Variants in MARCHF4 observed in about 807,000 individuals in gnomAD.
MARCHF4 encodes E3 ubiquitin-protein ligase MARCHF4.
A neutral mutation model predicts 43.9 loss-of-function variants in MARCHF4; 14 were observed. That is an observed-to-expected ratio of 0.32 (90% CI 0.21 to 0.50). The LOEUF is 0.50. MARCHF4 is among the 20% of genes least tolerant of loss of function. The pLI is 0.98. For synonymous variants in MARCHF4, 226 were observed against 213.3 expected, an observed-to-expected ratio of 1.06 and a Z score of -0.52; for missense variants, 468 against 536.7, an observed-to-expected ratio of 0.87 and a Z score of 1.27.
chr2:216,305,269 T>C (rs1255174881), intron 1 of MARCHF4, among the ~76,000 whole-genome samples: 2 of 152,152 alleles, frequency 1.3e-5, no homozygotes, highest in Non-Finnish European at 2.9e-5. Context: ...CCGGTATGCA[T>C]GTGGAGCCAG....
chr2:216,274,536 GA>G (rs112433986), intron 3 of MARCHF4, among the ~76,000 whole-genome samples: 21,465 of 152,086 alleles, frequency 0.14, 1,592 homozygotes, highest in South Asian at 0.25. Flanking sequence ...AGGAGAAGTT[GA>G]ATTTCACCCT....
At chr2:216,333,363 C>A (rs916914640) in intron 1 of MARCHF4, among the ~76,000 whole-genome samples, 5 of 152,066 alleles carry the variant, frequency 3.3e-5, no homozygotes, top group Non-Finnish European at 7.4e-5. Flanking sequence ...AAGAAGATGG[C>A]CAAAGGGCGA....
At chr2:216,299,097 A>G (rs969855689) in intron 1 of MARCHF4, among the ~76,000 whole-genome samples, 1 of 151,680 alleles carries the variant, frequency 6.6e-6, no homozygotes, top group Non-Finnish European at 1.5e-5. Flanking sequence ...CTCAGAAGAC[A>G]TAGACAGTCT....
rs954149552 is a variant in MARCHF4 at position 216,370,617 on chromosome 2, T to C, written c.-357A>G. ...GGTGGAGGGGCCACTAGAGCCTCTGTCGAATTGTTTAAATCAATGTCGAAT... is the reference window on the plus strand; with the variant it reads ...GGTGGAGGGGCCACTAGAGCCTCTGCCGAATTGTTTAAATCAATGTCGAAT... On this transcript the variant is annotated 5_prime_UTR_variant, in exon 1 of 4. Coordinates refer to ENST00000273067, the MANE Select transcript of MARCHF4 (RefSeq NM_020814.3). The C allele has an allele frequency of 2.4e-5, 5 of 211,714 alleles. No homozygotes were observed. The highest frequency in any genetic ancestry group is 1.1e-4 in the African/African-American group (5 of 43,574). 13.1% of individuals were successfully genotyped at this position (211,714 alleles called of 1,614,324 possible).
intron 1 of MARCHF4, among the ~76,000 whole-genome samples, chr2:216,349,998 G>T (rs1052481163): frequency 1.3e-5 from 2 of 152,062 alleles, no homozygotes; most frequent in Non-Finnish European, 2.9e-5. Context: ...TCTGGGCCTT[G>T]CCCTCCTGTC....
intron 1 of MARCHF4, among the ~76,000 whole-genome samples, chr2:216,325,832 CGTT>C (rs1405834330): frequency 1.4e-5 from 2 of 146,234 alleles, no homozygotes; most frequent in African/African-American, 2.5e-5. Flanking sequence ...AAGACTTAAA[CGTT>C]AGACCTAAAA....
At chr2:216,270,290 G>T (rs1690915231) in intron 3 of MARCHF4, among the ~76,000 whole-genome samples, 1 of 152,070 alleles carries the variant, frequency 6.6e-6, no homozygotes, top group South Asian at 2.1e-4. Flanking sequence ...TGCCTAGGCT[G>T]GTCTTGAACT....
rs1238940979 is a variant in MARCHF4, at chr2:216,293,913, T to C, written c.517-10184A>G. Among the ~76,000 whole-genome samples, 6 of 99,162 alleles carry C rather than the reference T, an allele frequency of 6.1e-5. 1 individual carries two copies. The highest frequency in any genetic ancestry group is 1.1e-4 in the African/African-American group (4 of 37,224). 65.1% of individuals were successfully genotyped at this position (99,162 alleles called of 152,430 possible). On this transcript the variant is annotated intron_variant, in intron 1 of 3. Coordinates refer to ENST00000273067, the MANE Select transcript of MARCHF4 (RefSeq NM_020814.3). The stretch of plus-strand genomic sequence containing the variant: ...TAATGTGTACATTTATAATCATATC[T>C]GTATTTCTAATGACCTAAATGTGTA...
At chr2:216,322,466 T>C (rs1274953030) in intron 1 of MARCHF4, among the ~76,000 whole-genome samples, 1 of 152,366 alleles carries the variant, frequency 6.6e-6, no homozygotes, top group East Asian at 1.9e-4. Flanking sequence ...TTATTTTGCA[T>C]GTATGTGTGC....
At chr2:216,278,905 T>C (rs1574461873) in intron 2 of MARCHF4, among the ~76,000 whole-genome samples, 1 of 152,122 alleles carries the variant, frequency 6.6e-6, no homozygotes, top group Non-Finnish European at 1.5e-5. Context: ...GGAGTTAGAT[T>C]TTTAACTTGG....
intron 1 of MARCHF4, among the ~76,000 whole-genome samples, chr2:216,336,460 G>A (rs1692158491): frequency 6.6e-6 from 1 of 152,082 alleles, no homozygotes; most frequent in Non-Finnish European, 1.5e-5. Context: ...AAACCTTCTT[G>A]CGCAGTAGAA....
At chr2:216,349,662 G>A (rs1372490219) in intron 1 of MARCHF4, among the ~76,000 whole-genome samples, 1 of 152,160 alleles carries the variant, frequency 6.6e-6, no homozygotes, top group African/African-American at 2.4e-5. Context: ...CCTCAGGGGG[G>A]AAGAATGCCT....
intron 1 of MARCHF4, among the ~76,000 whole-genome samples, chr2:216,348,893 A>G (rs1692360060): frequency 6.6e-6 from 1 of 152,028 alleles, no homozygotes; most frequent in African/African-American, 2.4e-5. Flanking sequence ...TTCCACTAAC[A>G]TCCTATTTTT....
At chr2:216,348,055 T>A (rs942171470) in intron 1 of MARCHF4, among the ~76,000 whole-genome samples, 3 of 128,476 alleles carry the variant, frequency 2.3e-5, no homozygotes, top group East Asian at 2.5e-4. Context: ...TTTTTTTTTT[T>A]AGACAGAGTT....
chr2:216,271,187 C>T (rs1238259510), intron 3 of MARCHF4, among the ~76,000 whole-genome samples: 1 of 152,164 alleles, frequency 6.6e-6, no homozygotes, highest in Non-Finnish European at 1.5e-5. Flanking sequence ...GCTCCAAGCC[C>T]CTTGCCCATC....
intron 1 of MARCHF4, among the ~76,000 whole-genome samples, chr2:216,353,355 T>G (rs1046352733): frequency 1.3e-5 from 2 of 152,142 alleles, no homozygotes; most frequent in Non-Finnish European, 2.9e-5. Flanking sequence ...CTGCAATATA[T>G]TAATATGTAG....
chr2:216,356,372 C>A (rs577170855), intron 1 of MARCHF4, among the ~76,000 whole-genome samples: 2 of 152,150 alleles, frequency 1.3e-5, no homozygotes, highest in Admixed American at 1.3e-4. Context: ...TTTGGACAGA[C>A]GGGGAAGGAA....
chr2:216,320,619 C>A (rs970815786), intron 1 of MARCHF4, among the ~76,000 whole-genome samples: 1 of 67,858 alleles, frequency 1.5e-5, no homozygotes, highest in Non-Finnish European at 2.9e-5. Context: ...TTCTTTCTTT[C>A]TTTCTTTCTT....
chr2:216,322,032 T>C (rs1691904324), intron 1 of MARCHF4, among the ~76,000 whole-genome samples: 1 of 152,124 alleles, frequency 6.6e-6, no homozygotes, highest in Non-Finnish European at 1.5e-5. Context: ...GTGACTGAAA[T>C]GGCTGTGAAA....
Sources: gnomAD v4.1 joint callset for allele counts (sites outside exome capture counted in the v4.1 genomes callset) on GRCh38, gnomAD v4.1.1 for gene constraint, MANE v1.5 for transcripts, NCBI Gene and HGNC (gene_info 2026-07-23, HGNC 2026-07-21) for gene names.